Variants in SUCLG2 observed in about 807,000 individuals in gnomAD.
SUCLG2 encodes succinate-CoA ligase GDP-forming subunit beta.
Under a neutral mutation model 47.9 loss-of-function variants are expected in SUCLG2, and 42 were observed. The ratio of observed to expected loss-of-function variants is 0.88; its 90% CI spans 0.69 to 1.14. SUCLG2 has a LOEUF of 1.14. SUCLG2 is among the 50% of genes most tolerant of loss of function. The pLI, the probability that SUCLG2 is intolerant of heterozygous loss-of-function variation, is 0.00. For synonymous variants in SUCLG2, 195 were observed against 197.3 expected, an observed-to-expected ratio of 0.99 and a Z score of 0.10; for missense variants, 571 against 525.9, an observed-to-expected ratio of 1.09 and a Z score of -0.84.
chr3:67,622,819 C>T (rs573876050), intron 1 of SUCLG2, among the ~76,000 whole-genome samples: 2 of 152,306 alleles, frequency 1.3e-5, no homozygotes, highest in Middle Eastern at 3.4e-3. Context: ...CCTGAAGTTA[C>T]AAGAGTAACG....
At chr3:67,369,552 A>G (rs1292285178) in intron 10 of SUCLG2, among the ~76,000 whole-genome samples, 1 of 152,158 alleles carries the variant, frequency 6.6e-6, no homozygotes, top group Non-Finnish European at 1.5e-5. Context: ...ATTGGTGGAA[A>G]TGTGTTGTGT....
chr3:67,597,967 A>G (rs1439228671), intron 2 of SUCLG2, among the ~76,000 whole-genome samples: 1 of 151,784 alleles, frequency 6.6e-6, no homozygotes, highest in African/African-American at 2.4e-5. Context: ...AACAACAACA[A>G]AAAACTCTCA....
At chr3:67,644,677 T>C (rs1195243438) in intron 1 of SUCLG2, among the ~76,000 whole-genome samples, 1 of 151,872 alleles carries the variant, frequency 6.6e-6, no homozygotes, top group African/African-American at 2.4e-5. Flanking sequence ...TATATTTTAC[T>C]ACAATAATAA....
At chr3:67,426,276 G>A (rs936838174) in intron 9 of SUCLG2, among the ~76,000 whole-genome samples, 8 of 152,030 alleles carry the variant, frequency 5.3e-5, no homozygotes, top group Non-Finnish European at 8.8e-5. Context: ...CATTAAGGTT[G>A]GTTTGTACAA....
intron 9 of SUCLG2, among the ~76,000 whole-genome samples, chr3:67,413,393 TG>T (rs1702970044): frequency 6.6e-6 from 1 of 152,210 alleles, no homozygotes; most frequent in African/African-American, 2.4e-5. Context: ...TCTTCCAGTC[TG>T]TCTAAAGAAG....
intron 9 of SUCLG2, among the ~76,000 whole-genome samples, chr3:67,401,532 G>A (rs1161303459): frequency 7.0e-6 from 1 of 142,400 alleles, no homozygotes; most frequent in Non-Finnish European, 1.5e-5. Flanking sequence ...CACCCATCAT[G>A]TTAACTTGTT....
intron 2 of SUCLG2, among the ~76,000 whole-genome samples, chr3:67,561,194 G>A (rs1294602792): frequency 6.6e-6 from 1 of 151,242 alleles, no homozygotes; most frequent in Non-Finnish European, 1.5e-5. Flanking sequence ...CCTTGTTTTA[G>A]TGACTCCTAC....
At chr3:67,403,603 G>A (rs527432711) in intron 9 of SUCLG2, among the ~76,000 whole-genome samples, 26 of 152,254 alleles carry the variant, frequency 1.7e-4, no homozygotes, top group African/African-American at 6.3e-4. Flanking sequence ...GTCTACAGAT[G>A]TCTCACACAG....
chr3:67,471,715 AC>A (rs11336787), intron 9 of SUCLG2, among the ~76,000 whole-genome samples: 21,844 of 152,012 alleles, frequency 0.14, 2,436 homozygotes, highest in African/African-American at 0.31. Context: ...GGTCTGTGTT[AC>A]CCCTCAGCCA....
chr3:67,515,229 A>C (rs1559554390), intron 6 of SUCLG2, among the ~76,000 whole-genome samples: 3 of 152,190 alleles, frequency 2.0e-5, no homozygotes, highest in Admixed American at 6.5e-5. Flanking sequence ...TATAAGTCAA[A>C]ATTTATCCTA....
chr3:67,447,308 A>T (rs4455333), intron 9 of SUCLG2, among the ~76,000 whole-genome samples: 120,439 of 152,156 alleles, frequency 0.79, 47,945 homozygotes, highest in Admixed American at 0.87. Context: ...GAATGTCTTA[A>T]CAAGTCATTA....
intron 2 of SUCLG2, among the ~76,000 whole-genome samples, chr3:67,587,411 G>A (rs1369004289): frequency 6.6e-6 from 1 of 152,182 alleles, no homozygotes; most frequent in African/African-American, 2.4e-5. Flanking sequence ...TTCCCATATT[G>A]CGTCTGCAGT....
At chr3:67,598,371 A>G (rs1708341831) in intron 2 of SUCLG2, among the ~76,000 whole-genome samples, 1 of 152,174 alleles carries the variant, frequency 6.6e-6, no homozygotes, top group Non-Finnish European at 1.5e-5. Flanking sequence ...CAGGTAACCA[A>G]AAACTTTATT....
At chr3:67,604,210 A>G (rs536646814) in intron 2 of SUCLG2, among the ~76,000 whole-genome samples, 14 of 152,238 alleles carry the variant, frequency 9.2e-5, no homozygotes, top group Non-Finnish European at 1.5e-4. Context: ...CAAGCTTTCC[A>G]TAACTACACA....
intron 1 of SUCLG2, among the ~76,000 whole-genome samples, chr3:67,615,809 T>A (rs1700618324): frequency 6.6e-6 from 1 of 152,128 alleles, no homozygotes; most frequent in African/African-American, 2.4e-5. Flanking sequence ...GTCTACTTCC[T>A]GGGTATCTAT....
chr3:67,543,206 G>A (rs192287700), intron 2 of SUCLG2, among the ~76,000 whole-genome samples: 5 of 152,268 alleles, frequency 3.3e-5, no homozygotes, highest in East Asian at 3.9e-4. Context: ...AACCTGCTCC[G>A]GAATGACTAC....
chr3:67,550,816 T>G (rs1706994178), intron 2 of SUCLG2, among the ~76,000 whole-genome samples: 1 of 151,686 alleles, frequency 6.6e-6, no homozygotes, highest in African/African-American at 2.4e-5. Context: ...TTTGGCCAAG[T>G]GAATAGAGCC....
At chr3:67,578,672 GA>G (rs1176757394) in intron 2 of SUCLG2, among the ~76,000 whole-genome samples, 5 of 152,182 alleles carry the variant, frequency 3.3e-5, no homozygotes, top group Admixed American at 3.3e-4. Flanking sequence ...TGTCTCTAGA[GA>G]GGCCATACGA....
chr3:67,620,638 A>ATGAGCT (rs1700720606), intron 1 of SUCLG2, among the ~76,000 whole-genome samples: 1 of 151,780 alleles, frequency 6.6e-6, no homozygotes. Context: ...AAGACACATG[A>ATGAGCT]TGAGCTGTGC....
Sources: allele counts gnomAD v4.1 joint callset (sites outside exome capture counted in the v4.1 genomes callset), GRCh38; gene constraint gnomAD v4.1.1; transcripts MANE v1.5; gene names NCBI Gene and HGNC (gene_info 2026-07-23, HGNC 2026-07-21).